The following NRCAM variants were observed in gnomAD, a reference collection of about 807,000 sequenced individuals.
NRCAM encodes NgCAM-related cell adhesion molecule.
A neutral mutation model predicts 156.5 loss-of-function variants in NRCAM; 83 were observed. That is an observed-to-expected ratio of 0.53 (90% CI 0.44 to 0.64). The LOEUF is 0.64. Among genes scored for constraint, NRCAM ranks in the 30% least tolerant of loss-of-function variants. The pLI is 0.00. For synonymous variants in NRCAM, 538 were observed against 563.9 expected, an observed-to-expected ratio of 0.95 and a Z score of 0.65; for missense variants, 1,417 against 1,597.3, an observed-to-expected ratio of 0.89 and a Z score of 1.92.
At chr7:108,184,174 T>G in intron 22 of NRCAM, 67 bp downstream of exon 22, 1 of 1,248,776 alleles carries the variant, frequency 8.0e-7, no homozygotes, top group Non-Finnish European at 1.2e-6. Flanking sequence ...AATGTAGATA[T>G]TATTTTCAAA....
intron 20 of NRCAM, among the ~76,000 whole-genome samples, chr7:108,187,187 A>C (rs926402169): frequency 6.6e-6 from 1 of 152,132 alleles, no homozygotes; most frequent in African/African-American, 2.4e-5. Flanking sequence ...TTATTCATTC[A>C]TCACTCCTCT....
intron 2 of NRCAM, among the ~76,000 whole-genome samples, chr7:108,319,746 G>C (rs1015812498): frequency 2.6e-5 from 4 of 152,188 alleles, no homozygotes; most frequent in Non-Finnish European, 5.9e-5. Context: ...GGGAAGGAAA[G>C]ATGTGTTACA....
At chr7:108,165,303 G>A (rs886367278) in intron 30 of NRCAM, among the ~76,000 whole-genome samples, 30 of 152,258 alleles carry the variant, frequency 2.0e-4, no homozygotes, top group Non-Finnish European at 3.8e-4. Context: ...GCTCTGTCAC[G>A]TTCCTACTGG....
rs555591182 is a variant in NRCAM at position 108,384,176 on chromosome 7, G to A, written c.-174+15260C>T. ...TAATACCTGGGTGATGAAATAATATGTACAACAAACCCCAAAGACATGTGT... is the reference window on the plus strand; with the variant it reads ...TAATACCTGGGTGATGAAATAATATATACAACAAACCCCAAAGACATGTGT... On this transcript the variant is annotated intron_variant, in intron 2 of 32. Transcript: ENST00000379028. Among the ~76,000 whole-genome samples, 11 of 152,056 alleles carry A rather than the reference G, an allele frequency of 7.2e-5. No individual in the cohort carries two copies. The South Asian group carries it at 2.1e-3, about 29-fold the overall frequency.
At chr7:108,453,535 C>CTA (rs1251511983) in intron 1 of NRCAM, among the ~76,000 whole-genome samples, 2 of 152,214 alleles carry the variant, frequency 1.3e-5, no homozygotes, top group Non-Finnish European at 2.9e-5. Flanking sequence ...GACCTCATCA[C>CTA]TACCCTGCAT....
chr7:108,273,901 T>C (rs1420082785), intron 3 of NRCAM, among the ~76,000 whole-genome samples: 1 of 152,242 alleles, frequency 6.6e-6, no homozygotes. Context: ...CTTTAATCCA[T>C]CTTCAGTTAA....
intron 3 of NRCAM, among the ~76,000 whole-genome samples, chr7:108,310,262 C>T (rs922114201): frequency 6.6e-6 from 1 of 152,172 alleles, no homozygotes; most frequent in Non-Finnish European, 1.5e-5. Context: ...CAGCAGAAAA[C>T]TCATTTTACG....
chr7:108,215,320 C>T (rs2087523491), intron 11 of NRCAM, among the ~76,000 whole-genome samples: 1 of 150,810 alleles, frequency 6.6e-6, no homozygotes, highest in Admixed American at 6.6e-5. Context: ...TCACGCCATT[C>T]TCCTGCCTCA....
At chr7:108,267,241 A>C (rs2097142207) in intron 3 of NRCAM, among the ~76,000 whole-genome samples, 1 of 152,246 alleles carries the variant, frequency 6.6e-6, no homozygotes, top group African/African-American at 2.4e-5. Flanking sequence ...TTTAAAAAAC[A>C]GCTCTGGAAC....
At chr7:108,268,288 G>A (rs1469305900) in intron 3 of NRCAM, among the ~76,000 whole-genome samples, 1 of 152,152 alleles carries the variant, frequency 6.6e-6, no homozygotes, top group Non-Finnish European at 1.5e-5. Context: ...TTGCAAACAG[G>A]AAAAGAAGCA....
chr7:108,207,512 A>G lies in NRCAM; in HGVS notation c.1207+16T>C. ...CTGAAAATATACTGCAATTAGAACC[A>G]CTCAAGGCAACTTACTTTCTATTGG... is the stretch of plus-strand genomic sequence containing the variant. On this transcript the variant is annotated intron_variant, in intron 13 of 32. Transcript: ENST00000379028. 6.2e-7 allele frequency: 1 copy of G among 1,612,930 alleles called. No homozygotes were observed. Among genetic ancestry groups the G allele is most frequent in the Non-Finnish European group, 8.5e-7 (1 of 1,179,532 alleles).
At chr7:108,234,410 G>A (rs921348941) in intron 6 of NRCAM, among the ~76,000 whole-genome samples, 173 bp downstream of exon 6, 3 of 152,166 alleles carry the variant, frequency 2.0e-5, no homozygotes, top group Admixed American at 2.0e-4. Context: ...AATGGGCTGG[G>A]ATAGATGAAC....
At chr7:108,322,302 C>A (rs930261407) in intron 2 of NRCAM, among the ~76,000 whole-genome samples, 3 of 152,070 alleles carry the variant, frequency 2.0e-5, no homozygotes, top group African/African-American at 7.2e-5. Context: ...TTGACAGGCT[C>A]ATTGAACTGA....
intron 2 of NRCAM, among the ~76,000 whole-genome samples, chr7:108,394,142 C>T (rs914494606): frequency 6.6e-6 from 1 of 152,184 alleles, no homozygotes; most frequent in African/African-American, 2.4e-5. Context: ...CTGGGGCAAA[C>T]AGTATAATCT....
chr7:108,263,788 GCTGAAAGTGAC>G (rs2096974851), intron 3 of NRCAM, among the ~76,000 whole-genome samples: 1 of 152,206 alleles, frequency 6.6e-6, no homozygotes, highest in South Asian at 2.1e-4. Flanking sequence ...ATGTTAGACA[GCTGAAAGTGAC>G]CTGGGCCAGG....
chr7:108,371,272 A>C (rs533615782), intron 2 of NRCAM, among the ~76,000 whole-genome samples: 1 of 152,270 alleles, frequency 6.6e-6, no homozygotes, highest in Non-Finnish European at 1.5e-5. Flanking sequence ...GAAAGGGAAA[A>C]GTTGGGCTAA....
At position 108,237,755 on chromosome 7, in the gene NRCAM, C is replaced by A; in HGVS notation, c.121G>T (p.Asp41Tyr). Residue 41 changes from aspartate (D) to tyrosine (Y), a missense_variant, in exon 5 of 33, where the codon GAC becomes TAC. Physicochemically the swap from Asp to Tyr is radical, Grantham distance 160. Around this residue, in one of 2 missense-constraint regions of NRCAM, gnomAD observed 1,238 missense variants for 1,336.4 expected, o/e 0.93. Coordinates refer to ENST00000379028, the MANE Select transcript of NRCAM (RefSeq NM_001037132.4). ...EVPLDPKLLE[D>Y]LVQPPTITQQ... is the part of the protein sequence containing the mutation. ...TAATTTATAGAAGGACACTTACAGT[C>A]TTCAAGAAGTTTTGCTTTTTCCCCA... 1.3e-6 allele frequency: 2 copies of A among 1,594,272 alleles called. No homozygotes were observed. The highest frequency in any genetic ancestry group is 2.3e-5 in the South Asian group (2 of 85,952).
In NRCAM at chr7:108,353,584, G is replaced by T. The variant is rs142539183; in HGVS notation, c.-173-40853C>A. The stretch of plus-strand genomic sequence containing the variant: ...AATCTTCCCGCTTCAACCTTCTGAA[G>T]TGCAGGGATTACAGGCATGAACCAC... On this transcript the variant is annotated intron_variant, in intron 2 of 32. Transcript: ENST00000379028. Among the ~76,000 whole-genome samples, 293 of 152,246 alleles carry T rather than the reference G, an allele frequency of 1.9e-3. 1 individual carries two copies. The highest frequency in any genetic ancestry group is 6.8e-3 in the African/African-American group (281 of 41,548).
intron 3 of NRCAM, among the ~76,000 whole-genome samples, chr7:108,264,169 G>GA (rs2096994110): frequency 2.0e-5 from 3 of 150,794 alleles, no homozygotes; most frequent in South Asian, 4.2e-4. Context: ...GTAGAGATAG[G>GA]TTTCACCATT....
Sources: gnomAD v4.1 joint callset for allele counts (sites outside exome capture counted in the v4.1 genomes callset) on GRCh38, gnomAD v4.1.1 for gene constraint, gnomAD v4.1.1 regional missense constraint, MANE v1.5 for transcripts, NCBI Gene and HGNC (gene_info 2026-07-23, HGNC 2026-07-21) for gene names.